The following SETBP1 variants were observed in gnomAD, a reference collection of about 807,000 sequenced individuals.
SETBP1 encodes the protein SET-binding protein.
SETBP1 carries 9 observed loss-of-function variants against 101.0 expected under a neutral mutation model. The observed-to-expected ratio is 0.09, with a 90% CI of 0.05 to 0.16. The LOEUF is 0.16. Among genes scored for constraint, SETBP1 ranks in the 10% least tolerant of loss-of-function variants. The pLI is 1.00. For missense variants in SETBP1, 1,858 were observed against 2,033.8 expected, an observed-to-expected ratio of 0.91 and a Z score of 1.66; for synonymous variants, 818 against 788.5, an observed-to-expected ratio of 1.04 and a Z score of -0.63.
intron 2 of SETBP1, among the ~76,000 whole-genome samples, chr18:44,822,753 C>T (rs545660175): frequency 6.6e-6 from 1 of 152,312 alleles, no homozygotes; most frequent in African/African-American, 2.4e-5. Flanking sequence ...CTATTGAAAA[C>T]CTGGGCCTCT....
chr18:44,774,144 T>G (rs2070941469), intron 2 of SETBP1, among the ~76,000 whole-genome samples: 1 of 152,214 alleles, frequency 6.6e-6, no homozygotes, highest in East Asian at 1.9e-4. Context: ...TACTATGAGC[T>G]GACCCTGTGA....
At chr18:44,989,471 A>G (rs1047680419) in intron 4 of SETBP1, among the ~76,000 whole-genome samples, 2 of 152,164 alleles carry the variant, frequency 1.3e-5, no homozygotes, top group Non-Finnish European at 2.9e-5. Context: ...CAGATTTTTC[A>G]TACATTTTAT....
intron 2 of SETBP1, among the ~76,000 whole-genome samples, chr18:44,861,619 A>G (rs1291348525): frequency 6.6e-6 from 1 of 152,134 alleles, no homozygotes; most frequent in East Asian, 1.9e-4. Flanking sequence ...TGTAGTGAAA[A>G]AGAACATGAG....
chr18:45,064,596 G>C lies in SETBP1; in HGVS notation c.*898G>C, dbSNP rs2073943681. ...TTAATAAGTGATGCAGAGCAGCCAA[G>C]GATATGTTGACCCAGATGTCAACCA... On this transcript the variant is annotated 3_prime_UTR_variant, in exon 6 of 6. Coordinates refer to ENST00000649279, the MANE Select transcript of SETBP1 (RefSeq NM_015559.3). 1 of 151,982 alleles carries C rather than the reference G, an allele frequency of 6.6e-6. No homozygotes were observed. Among genetic ancestry groups the C allele is most frequent in the Non-Finnish European group, 1.5e-5 (1 of 67,982 alleles). The allele number at this position is 151,982 out of a possible 1,614,324, so 9.4% of individuals were successfully genotyped here.
At chr18:44,728,447 G>C (rs183824081) in intron 2 of SETBP1, among the ~76,000 whole-genome samples, 25 of 152,194 alleles carry the variant, frequency 1.6e-4, no homozygotes, top group African/African-American at 5.5e-4. Flanking sequence ...AGTGTGTTTG[G>C]GTACCTGTTA....
chr18:45,037,185 T>C (rs1421181768), intron 4 of SETBP1, among the ~76,000 whole-genome samples: 1 of 152,156 alleles, frequency 6.6e-6, no homozygotes, highest in Non-Finnish European at 1.5e-5. Context: ...TAGTGTTATG[T>C]AGCCTGCAGA....
chr18:44,931,920 G>A (rs2070844842), intron 3 of SETBP1, among the ~76,000 whole-genome samples: 1 of 152,146 alleles, frequency 6.6e-6, no homozygotes, highest in Non-Finnish European at 1.5e-5. Context: ...CTTTTAATTG[G>A]AGAATTTAGC....
intron 2 of SETBP1, among the ~76,000 whole-genome samples, chr18:44,745,311 GTTTC>G (rs1432941479): frequency 6.6e-6 from 1 of 152,126 alleles, no homozygotes; most frequent in Non-Finnish European, 1.5e-5. Context: ...CTTTTGGTGT[GTTTC>G]TTTTTAATAG....
At chr18:44,937,939 A>G (rs940010430) in intron 3 of SETBP1, among the ~76,000 whole-genome samples, 1 of 152,170 alleles carries the variant, frequency 6.6e-6, no homozygotes, top group African/African-American at 2.4e-5. Flanking sequence ...AACAGACTTT[A>G]AAATATAAAA....
chr18:44,905,222 T>A (rs671174), intron 3 of SETBP1, among the ~76,000 whole-genome samples: 133,563 of 152,196 alleles, frequency 0.88, 58,744 homozygotes, highest in African/African-American at 0.93. Context: ...ACAGACCAAG[T>A]TCAGTGGAGT....
At chr18:44,841,628 T>C (rs1313290108) in intron 2 of SETBP1, among the ~76,000 whole-genome samples, 6 of 152,222 alleles carry the variant, frequency 3.9e-5, no homozygotes, top group African/African-American at 1.4e-4. Context: ...ACTAGTCTCA[T>C]AATTAATTGA....
At chr18:44,901,946 T>C (rs191451604) in intron 3 of SETBP1, among the ~76,000 whole-genome samples, 2 of 152,334 alleles carry the variant, frequency 1.3e-5, no homozygotes, top group East Asian at 1.9e-4. Context: ...ATTCCCCAGT[T>C]ACAAACTTAT....
intron 2 of SETBP1, among the ~76,000 whole-genome samples, chr18:44,827,785 T>C (rs925198806): frequency 3.3e-5 from 5 of 152,214 alleles, no homozygotes; most frequent in Non-Finnish European, 7.3e-5. Flanking sequence ...AGGTTTAGTA[T>C]TGTACACTCT....
At chr18:44,960,254 T>C (rs1328491854) in intron 4 of SETBP1, among the ~76,000 whole-genome samples, 1 of 152,020 alleles carries the variant, frequency 6.6e-6, no homozygotes, top group African/African-American at 2.4e-5. Flanking sequence ...GCAGATAAAG[T>C]GAGGAAAGAA....
chr18:44,876,511 T>C, intron 3 of SETBP1: 1 of 1,280,610 alleles, frequency 7.8e-7, no homozygotes, highest in South Asian at 1.3e-5. Flanking sequence ...GGGGTCTGGA[T>C]ATTGGTATTT....
chr18:44,774,770 T>G (rs1230992956), intron 2 of SETBP1, among the ~76,000 whole-genome samples: 1 of 152,208 alleles, frequency 6.6e-6, no homozygotes, highest in East Asian at 1.9e-4. Context: ...GATTTGAACC[T>G]GGGTCACCTG....
chr18:45,040,436 CA>C (rs1848081087), intron 5 of SETBP1, among the ~76,000 whole-genome samples: 1 of 152,158 alleles, frequency 6.6e-6, no homozygotes, highest in Non-Finnish European at 1.5e-5. Flanking sequence ...TTGGCTTAAG[CA>C]AAAGATTTGG....
chr18:44,990,256 G>A (rs2072337350), intron 4 of SETBP1, among the ~76,000 whole-genome samples: 1 of 152,036 alleles, frequency 6.6e-6, no homozygotes, highest in African/African-American at 2.4e-5. Flanking sequence ...AAGGTATAGT[G>A]AACAAAAATA....
intron 2 of SETBP1, among the ~76,000 whole-genome samples, chr18:44,861,239 T>C (rs959140170): frequency 2.3e-5 from 3 of 131,972 alleles, no homozygotes; most frequent in South Asian, 2.7e-4. Flanking sequence ...CTTTTTTTTT[T>C]TTTTTTTTTT....
Sources: gnomAD v4.1 joint callset for allele counts (sites outside exome capture counted in the v4.1 genomes callset) on GRCh38, gnomAD v4.1.1 for gene constraint, MANE v1.5 for transcripts, NCBI Gene and HGNC (gene_info 2026-07-23, HGNC 2026-07-21) for gene names.